Variants in SMAD6 observed in about 807,000 individuals in gnomAD.
The protein encoded by SMAD6 is MAD homolog 6.
SMAD6 carries 103 observed loss-of-function variants against 39.4 expected under a neutral mutation model. That is an observed-to-expected ratio of 2.62 (90% CI 2.23 to 3.08). The LOEUF (loss-of-function observed/expected upper bound fraction) is 3.08, where lower values mean the gene tolerates loss of function less well. Ranked by LOEUF, SMAD6 falls within the 30% of genes most tolerant of loss-of-function variation. The pLI, the probability that SMAD6 is intolerant of heterozygous loss-of-function variation, is 0.00. For missense variants in SMAD6, 1,104 were observed against 742.9 expected (o/e 1.49, Z -5.65); for synonymous variants, 445 against 353.3 (o/e 1.26, Z -2.91).
At chr15:66,772,734 C>CA (rs1443622823) in intron 3 of SMAD6, among the ~76,000 whole-genome samples, 1 of 152,214 alleles carries the variant, frequency 6.6e-6, no homozygotes, top group African/African-American at 2.4e-5. Flanking sequence ...AGGGTGAAGT[C>CA]ACTCGTCCAA....
Position 66,711,648 on chromosome 15 carries a change from T to G in SMAD6, c.818-20T>G. 6.2e-7 allele frequency: 1 copy of G among 1,608,072 alleles called. No homozygotes were observed. Among genetic ancestry groups the G allele is most frequent in the South Asian group, 1.1e-5 (1 of 90,970 alleles). On this transcript the variant is annotated intron_variant, in intron 1 of 3. Coordinates refer to ENST00000288840, the MANE Select transcript of SMAD6 (RefSeq NM_005585.5). The stretch of plus-strand genomic sequence containing the variant: ...GAGCTCCCCAACCCTGGCAGTGACA[T>G]GCTGTCTCCTGTCTTCCAGAATCTC...
At chr15:66,767,842 A>G (rs1242683774) in intron 3 of SMAD6, among the ~76,000 whole-genome samples, 1 of 151,284 alleles carries the variant, frequency 6.6e-6, no homozygotes, top group Non-Finnish European at 1.5e-5. Flanking sequence ...AGAGGTGTGG[A>G]TCATGTATTT....
rs983780772 is a variant in SMAD6 at position 66,703,153 on chromosome 15, G to GCTT, written c.-104_-102dup. On this transcript the variant is annotated 5_prime_UTR_variant, in exon 1 of 4. Transcript: ENST00000288840. Reference sequence around the variant, plus strand: ...GGTCTGCACGGCGCTCCGCGGCGGAGCTTCATGTGGGGCTGCGACCCGCGC... The same window carrying GCTT: ...GGTCTGCACGGCGCTCCGCGGCGGAGCTTCTTCATGTGGGGCTGCGACCCGCGC... 2 of 819,798 alleles carry GCTT rather than the reference G, an allele frequency of 2.4e-6. No homozygotes were observed. The highest frequency in any genetic ancestry group is 3.4e-6 in the Non-Finnish European group (2 of 584,434). 50.8% of individuals were successfully genotyped at this position (819,798 alleles called of 1,614,324 possible).
chr15:66,781,644 G>A lies in SMAD6; in HGVS notation c.*109G>A. On this transcript the variant is annotated 3_prime_UTR_variant, in exon 4 of 4. Coordinates refer to ENST00000288840, the MANE Select transcript of SMAD6 (RefSeq NM_005585.5). ...CAGCCCCCACGGACAAAACCCCCCA[G>A]ATATCATCTACCTAGATTTAATATA... is the stretch of plus-strand genomic sequence containing the variant. 1 of 625,440 alleles carries A rather than the reference G, an allele frequency of 1.6e-6. No individual in the cohort carries two copies. The highest frequency in any genetic ancestry group is 2.6e-6 in the Non-Finnish European group (1 of 387,984). 38.7% of individuals were successfully genotyped at this position (625,440 alleles called of 1,614,324 possible). A position where few individuals can be genotyped will look rare whatever the true frequency, so the allele number is the denominator to read the frequency against.
intron 3 of SMAD6, among the ~76,000 whole-genome samples, chr15:66,719,250 A>G (rs1322700188): frequency 6.6e-6 from 1 of 152,222 alleles, no homozygotes; most frequent in African/African-American, 2.4e-5. Context: ...GTTCTACAAC[A>G]AGTATCCCTG....
chr15:66,767,192 G>C (rs768237034), intron 3 of SMAD6, among the ~76,000 whole-genome samples: 1 of 152,180 alleles, frequency 6.6e-6, no homozygotes, highest in Non-Finnish European at 1.5e-5. Flanking sequence ...TATTCCATAA[G>C]CTAAAACAAG....
intron 3 of SMAD6, among the ~76,000 whole-genome samples, chr15:66,722,953 C>T (rs907965562): frequency 1.3e-5 from 2 of 152,178 alleles, no homozygotes; most frequent in African/African-American, 4.8e-5. Context: ...AAATTCCTCA[C>T]CTCTCTAGTC....
rs1040033960 is a variant in SMAD6 at position 66,708,790 on chromosome 15, C to T, written c.818-2878C>T. ...GGGGTTGGGGTCTAGAAAGTGACTGCCAATGGGGATGGTGTTTCTTTTTGC... is the reference window on the plus strand; with the variant it reads ...GGGGTTGGGGTCTAGAAAGTGACTGTCAATGGGGATGGTGTTTCTTTTTGC... On this transcript the variant is annotated intron_variant, in intron 1 of 3. Transcript: ENST00000288840. 14 of 463,168 alleles carry T rather than the reference C, an allele frequency of 3.0e-5. No homozygotes were observed. In the East Asian group the frequency reaches 9.9e-4, roughly 33 times the overall value. 28.7% of individuals were successfully genotyped at this position (463,168 alleles called of 1,614,324 possible). A position where few individuals can be genotyped will look rare whatever the true frequency, so the allele number is the denominator to read the frequency against.
chr15:66,746,484 A>G (rs1396619323), intron 3 of SMAD6, among the ~76,000 whole-genome samples: 4 of 150,986 alleles, frequency 2.6e-5, no homozygotes, highest in African/African-American at 4.9e-5. Flanking sequence ...AGAGGCTCCA[A>G]GTTCCTCTCT....
chr15:66,772,908 C>A (rs1036649484), intron 3 of SMAD6, among the ~76,000 whole-genome samples: 1 of 152,174 alleles, frequency 6.6e-6, no homozygotes, highest in East Asian at 1.9e-4. Context: ...CCTGTTTTTG[C>A]GCCTTGGCCA....
intron 3 of SMAD6, among the ~76,000 whole-genome samples, chr15:66,722,778 T>A (rs1893457009): frequency 6.8e-6 from 1 of 146,210 alleles, no homozygotes; most frequent in African/African-American, 2.5e-5. Context: ...TGAGGGGGGG[T>A]CGGCAGGAGT....
intron 3 of SMAD6, chr15:66,741,273 C>T (rs1893810004): frequency 1.3e-5 from 2 of 152,252 alleles, no homozygotes; most frequent in African/African-American, 2.4e-5. Flanking sequence ...CCCAACCCTC[C>T]CTCATCTGCC....
chr15:66,753,969 A>G (rs1031449411), intron 3 of SMAD6, among the ~76,000 whole-genome samples: 1 of 152,186 alleles, frequency 6.6e-6, no homozygotes, highest in Non-Finnish European at 1.5e-5. Context: ...TGTCACCTCT[A>G]CAGGAGTGAC....
chr15:66,730,471 G>T (rs1414176638), intron 3 of SMAD6, among the ~76,000 whole-genome samples: 2 of 152,124 alleles, frequency 1.3e-5, no homozygotes, highest in Non-Finnish European at 2.9e-5. Context: ...TTTATCTGCT[G>T]GCCCAGTCAG....
intron 3 of SMAD6, among the ~76,000 whole-genome samples, chr15:66,743,970 T>C (rs911721729): frequency 6.6e-6 from 1 of 152,054 alleles, no homozygotes; most frequent in Non-Finnish European, 1.5e-5. Context: ...TAAAAGAAAC[T>C]ATCATAAAAC....
At chr15:66,753,516 C>T (rs1894043941) in intron 3 of SMAD6, among the ~76,000 whole-genome samples, 1 of 152,198 alleles carries the variant, frequency 6.6e-6, no homozygotes, top group Non-Finnish European at 1.5e-5. Flanking sequence ...GGCCTGAGTC[C>T]ATTCCATAGA....
intron 3 of SMAD6, among the ~76,000 whole-genome samples, chr15:66,764,424 G>A (rs1052121675): frequency 1.1e-4 from 16 of 151,840 alleles, no homozygotes; most frequent in African/African-American, 2.2e-4. Flanking sequence ...TGCTTTATCC[G>A]AAAGCCTCAG....
chr15:66,763,590 C>T (rs974183869), intron 3 of SMAD6, among the ~76,000 whole-genome samples: 2 of 152,240 alleles, frequency 1.3e-5, no homozygotes, highest in African/African-American at 4.8e-5. Context: ...GCTTCACAGC[C>T]TCGCCCAGGG....
At position 66,703,085 on chromosome 15, in the gene SMAD6, ATGT is replaced by A. The variant is rs1421918035; in HGVS notation, c.-170_-168del. On this transcript the variant is annotated 5_prime_UTR_variant, in exon 1 of 4. Transcript: ENST00000288840. ...CCGTCCCGCCTCGGCGAGCTCCCTC[ATGT>A]TGTCGCCCTGCGGCGCCCCTTCGAC... 2 of 444,148 alleles carry A rather than the reference ATGT, an allele frequency of 4.5e-6. No individual in the cohort carries two copies. The highest frequency in any genetic ancestry group is 4.4e-5 in the Admixed American group (1 of 22,562). The allele number at this position is 444,148 out of a possible 1,614,324, so 27.5% of individuals were successfully genotyped here. A position where few individuals can be genotyped will look rare whatever the true frequency, so the allele number is the denominator to read the frequency against.
Sources: gnomAD v4.1 joint callset for allele counts (sites outside exome capture counted in the v4.1 genomes callset) on GRCh38, gnomAD v4.1.1 for gene constraint, MANE v1.5 for transcripts, NCBI Gene and HGNC (gene_info 2026-07-23, HGNC 2026-07-21) for gene names.